Variants in LAMP3 observed in about 807,000 individuals in gnomAD.
The protein encoded by LAMP3 is lysosome associated membrane protein 3.
Under a neutral mutation model 34.8 loss-of-function variants are expected in LAMP3, and 26 were observed. That is an observed-to-expected ratio of 0.75 (90% CI 0.55 to 1.04). The LOEUF (loss-of-function observed/expected upper bound fraction) is 1.04. LAMP3 is among the 50% of genes least tolerant of loss of function. The probability of loss-of-function intolerance (pLI) is 0.00; values close to 1 mark genes in which losing one functional copy is unlikely to be tolerated. For missense variants in LAMP3, 495 were observed against 524.0 expected (o/e 0.94, Z 0.54); for synonymous variants, 180 against 201.9 (o/e 0.89, Z 0.92).
At chr3:183,130,307 T>G (rs1045138760) in intron 5 of LAMP3, among the ~76,000 whole-genome samples, 4 of 151,902 alleles carry the variant, frequency 2.6e-5, no homozygotes, top group Non-Finnish European at 5.9e-5. Flanking sequence ...TACATGCGCC[T>G]GCCACCACGC....
chr3:183,128,215 A>C (rs1351524124), intron 5 of LAMP3, among the ~76,000 whole-genome samples: 1 of 151,898 alleles, frequency 6.6e-6, no homozygotes, highest in Non-Finnish European at 1.5e-5. Flanking sequence ...AAAATAATAC[A>C]AGATGCTGTG....
At chr3:183,139,462 C>G (rs1720206512) in intron 4 of LAMP3, among the ~76,000 whole-genome samples, 1 of 151,786 alleles carries the variant, frequency 6.6e-6, no homozygotes, top group South Asian at 2.1e-4. Context: ...GGGGATACAA[C>G]CCAAGACCCC....
At chr3:183,130,573 C>T (rs1719889554) in intron 5 of LAMP3, among the ~76,000 whole-genome samples, 1 of 152,332 alleles carries the variant, frequency 6.6e-6, no homozygotes, top group Middle Eastern at 3.4e-3. Context: ...AGTCGAGATA[C>T]TCCATTTCCT....
chr3:183,130,332 G>T (rs1719879637), intron 5 of LAMP3, among the ~76,000 whole-genome samples: 1 of 151,662 alleles, frequency 6.6e-6, no homozygotes, highest in South Asian at 2.1e-4. Context: ...CTAATTTTTT[G>T]TGTTTTTAGT....
rs200301656 is a variant in LAMP3 at position 183,153,192 on chromosome 3, AG to A, written c.759+489del. On this transcript the variant is annotated intron_variant, in intron 2 of 5. Coordinates refer to ENST00000265598, the MANE Select transcript of LAMP3 (RefSeq NM_014398.4). Reference sequence around the variant, plus strand: ...TCCGTCTCAAAAAAAAAAAAAAAAAAGAAAGAAAATATTGTTTTAGTGATTC... The same window carrying A: ...TCCGTCTCAAAAAAAAAAAAAAAAAAAAAGAAAATATTGTTTTAGTGATTC... Among the ~76,000 whole-genome samples the A allele has an allele frequency of 2.2e-3, 325 of 147,976 alleles. 32 individuals are homozygous for A. Among genetic ancestry groups the A allele is most frequent in the African/African-American group, 3.7e-3 (149 of 40,654 alleles).
intron 4 of LAMP3, among the ~76,000 whole-genome samples, chr3:183,138,693 A>T (rs1406877153): frequency 6.6e-6 from 1 of 152,100 alleles, no homozygotes; most frequent in African/African-American, 2.4e-5. Flanking sequence ...TGTAAATCTG[A>T]GGTATCATTT....
In LAMP3 at chr3:183,153,922, C is replaced by T. The variant is rs763641775; in HGVS notation, c.519G>A (p.Ser173=). 29 of 1,613,974 alleles carry T rather than the reference C, an allele frequency of 1.8e-5. No homozygotes were observed. The Admixed American group carries it at 2.7e-4, about 15-fold the overall frequency. The change falls in exon 2 of 6, where the codon TCG becomes TCA. Residue 173 remains serine, a synonymous_variant. Transcript: ENST00000265598. ...SNQTTLPATL[S]IALHKSTTGQ... ...CGGTTGTGCTTTTGTGCAGTGCTAT[C>T]GATAAAGTTGCTGGAAGGGTGGTCT...
At chr3:183,157,821 T>G (rs1202938525) in intron 1 of LAMP3, among the ~76,000 whole-genome samples, 1 of 151,724 alleles carries the variant, frequency 6.6e-6, no homozygotes, top group Non-Finnish European at 1.5e-5. Context: ...CTCAAATAAA[T>G]AAAAAAAGGA....
rs894383929 is a variant in LAMP3 at position 183,123,939 on chromosome 3, CAT to C, written c.*140_*141del. On this transcript the variant is annotated 3_prime_UTR_variant, in exon 6 of 6. Transcript: ENST00000265598. ...ATGTGCTGCCTGAACTTAAATCACA[CAT>C]GACTCACTTCATTTGAATAGAAGAT... The C allele has an allele frequency of 1.2e-6, 1 of 809,898 alleles. No homozygotes were observed. Among genetic ancestry groups the C allele is most frequent in the African/African-American group, 1.8e-5 (1 of 56,362 alleles). The allele number at this position is 809,898 out of a possible 1,614,324, so 50.2% of individuals were successfully genotyped here.
In LAMP3 at chr3:183,135,862, A is replaced by G. The variant is rs1720069607; in HGVS notation, c.972T>C (p.His324=). Residue 324 remains histidine (H), a synonymous_variant, in exon 5 of 6, where the codon CAT becomes CAC. Coordinates refer to ENST00000265598, the MANE Select transcript of LAMP3 (RefSeq NM_014398.4). ...CTGCTGTCTGGAACATCACCACCGCATGTTTGATTCCTTGGTAAATTGTCT... is the reference window on the plus strand; with the variant it reads ...CTGCTGTCTGGAACATCACCACCGCGTGTTTGATTCCTTGGTAAATTGTCT... ...DPETIYQGIK[H]AVVMFQTAVG... The G allele has an allele frequency of 1.2e-6, 2 of 1,613,990 alleles. No individual in the cohort carries two copies. Among genetic ancestry groups the G allele is most frequent in the Non-Finnish European group, 1.7e-6 (2 of 1,179,870 alleles).
intron 4 of LAMP3, among the ~76,000 whole-genome samples, chr3:183,139,685 G>A (rs1324827875): frequency 6.6e-6 from 1 of 152,184 alleles, no homozygotes; most frequent in Non-Finnish European, 1.5e-5. Flanking sequence ...AACTCTAATT[G>A]TACTGTACTC....
In LAMP3 at chr3:183,122,944, A is replaced by C. The variant is rs567815525; in HGVS notation, c.*1137T>G. 1 of 152,216 alleles carries C rather than the reference A, an allele frequency of 6.6e-6. No homozygotes were observed. Among genetic ancestry groups the C allele is most frequent in the African/African-American group, 2.4e-5 (1 of 41,452 alleles). 9.4% of individuals were successfully genotyped at this position (152,216 alleles called of 1,614,324 possible). ...CATGAATTCAAGCTCTGGCTCTGCCATCAGTTAGCCAGGTGACATTTAAGT... is the reference window on the plus strand; with the variant it reads ...CATGAATTCAAGCTCTGGCTCTGCCCTCAGTTAGCCAGGTGACATTTAAGT... On this transcript the variant is annotated 3_prime_UTR_variant, in exon 6 of 6. Transcript: ENST00000265598.
chr3:183,149,869 AAAAAT>A (rs1273823889), intron 3 of LAMP3, among the ~76,000 whole-genome samples: 1 of 152,066 alleles, frequency 6.6e-6, no homozygotes, highest in African/African-American at 2.4e-5. Context: ...ACAAACATTT[AAAAAT>A]AAAATAAAAA....
At chr3:183,137,168 A>G (rs12495102) in intron 4 of LAMP3, among the ~76,000 whole-genome samples, 8,334 of 151,270 alleles carry the variant, frequency 0.055, 355 homozygotes, top group African/African-American at 0.1. Flanking sequence ...AAATACAAAA[A>G]TTAGCCAGGC....
intron 3 of LAMP3, among the ~76,000 whole-genome samples, chr3:183,151,798 G>A (rs1452260053): frequency 6.6e-6 from 1 of 152,100 alleles, no homozygotes; most frequent in Non-Finnish European, 1.5e-5. Flanking sequence ...GACCAAACAG[G>A]TTAAGTTGCC....
chr3:183,135,917 G>A (rs1316096559), intron 4 of LAMP3, 30 bp from the exon 5 acceptor site: 2 of 1,559,556 alleles, frequency 1.3e-6, no homozygotes, highest in Non-Finnish European at 1.8e-6. Context: ...ATGCATAAGA[G>A]TCCTGAGATG....
At chr3:183,155,772 G>A (rs528904059) in intron 1 of LAMP3, among the ~76,000 whole-genome samples, 10 of 152,308 alleles carry the variant, frequency 6.6e-5, no homozygotes, top group South Asian at 4.1e-4. Context: ...CATTTTTACC[G>A]TCAGTGCCTG....
rs182541444 is a variant in LAMP3 at position 183,144,159 on chromosome 3, T to C, written c.889-3564A>G. 8.5e-5 allele frequency among the ~76,000 whole-genome samples: 13 copies of C among 152,366 alleles called. No homozygotes were observed. The East Asian group carries it at 2.5e-3, about 29-fold the overall frequency. On this transcript the variant is annotated intron_variant, in intron 3 of 5. Transcript: ENST00000265598. ...TTGTGACTAAATCAAGAAAGCTTTG[T>C]TCTGGACATAGCAAAAGGAACCTGT...
rs574537597 is a variant in LAMP3 at position 183,148,421 on chromosome 3, C to T, written c.888+3954G>A. Among the ~76,000 whole-genome samples, 111 of 152,186 alleles carry T rather than the reference C, an allele frequency of 7.3e-4. 1 individual carries two copies. Among genetic ancestry groups the T allele is most frequent in the East Asian group, 5.2e-3 (27 of 5,190 alleles). ...AGAAAACGTTTGCAAACCATCCATC[C>T]GACAAGGGATTAACAACCAGAACAT... On this transcript the variant is annotated intron_variant, in intron 3 of 5. Transcript: ENST00000265598.
Sources: allele counts gnomAD v4.1 joint callset (sites outside exome capture counted in the v4.1 genomes callset), GRCh38; gene constraint gnomAD v4.1.1; transcripts MANE v1.5; gene names NCBI Gene and HGNC (gene_info 2026-07-23, HGNC 2026-07-21).